The following CPSF2 variants were observed in gnomAD, a reference collection of about 807,000 sequenced individuals.
CPSF2 encodes the protein cleavage and polyadenylation specific factor 2.
A neutral mutation model predicts 84.2 loss-of-function variants in CPSF2; 51 were observed. The ratio of observed to expected loss-of-function variants is 0.61; its 90% CI spans 0.48 to 0.77. The LOEUF is 0.77. Among genes scored for constraint, CPSF2 ranks in the 30% least tolerant of loss-of-function variants. The pLI, the probability that CPSF2 is intolerant of heterozygous loss-of-function variation, is 0.00. For missense variants in CPSF2, 641 were observed against 929.4 expected, an observed-to-expected ratio of 0.69 and a Z score of 4.03; for synonymous variants, 286 against 311.9, an observed-to-expected ratio of 0.92 and a Z score of 0.87.
At chr14:92,152,067 G>A (rs547526296) in intron 9 of CPSF2, among the ~76,000 whole-genome samples, 32 of 150,120 alleles carry the variant, frequency 2.1e-4, no homozygotes, top group Non-Finnish European at 4.4e-4. Flanking sequence ...TTTGGAAAAT[G>A]TAATTATTTT....
intron 6 of CPSF2, among the ~76,000 whole-genome samples, chr14:92,135,904 CAT>C (rs1463021591): frequency 1.3e-5 from 2 of 152,202 alleles, no homozygotes; most frequent in African/African-American, 4.8e-5. Flanking sequence ...ATAATTCCCA[CAT>C]GTTGTGGGTG....
intron 3 of CPSF2, among the ~76,000 whole-genome samples, chr14:92,133,054 C>T (rs1425095341): frequency 1.3e-5 from 2 of 151,786 alleles, no homozygotes; most frequent in Non-Finnish European, 2.9e-5. Context: ...TGCGCCAGTG[C>T]ACTCCAGCCT....
chr14:92,122,006 G>C lies in CPSF2; in HGVS notation c.-216G>C. 1 of 646,390 alleles carries C rather than the reference G, an allele frequency of 1.5e-6. No homozygotes were observed. The allele number at this position is 646,390 out of a possible 1,614,324, so 40.0% of individuals were successfully genotyped here. Reference sequence around the variant, plus strand: ...CTCCAAAATGGCGGCTGCCACTGTGGGGCTTCTGCCGGCCGGTAGTCCCTG... The same window carrying C: ...CTCCAAAATGGCGGCTGCCACTGTGCGGCTTCTGCCGGCCGGTAGTCCCTG... On this transcript the variant is annotated 5_prime_UTR_variant, in exon 1 of 16. Coordinates refer to ENST00000298875, the MANE Select transcript of CPSF2 (RefSeq NM_017437.3).
At chr14:92,141,620 G>A (rs1039900278) in intron 7 of CPSF2, among the ~76,000 whole-genome samples, 8 of 152,074 alleles carry the variant, frequency 5.3e-5, no homozygotes, top group East Asian at 1.9e-4. Flanking sequence ...GAGCCATTGC[G>A]CCTGGCCACC....
intron 9 of CPSF2, among the ~76,000 whole-genome samples, chr14:92,152,153 T>C (rs967505114): frequency 3.9e-5 from 6 of 151,978 alleles, no homozygotes; most frequent in African/African-American, 9.7e-5. Flanking sequence ...TTTTGAGATG[T>C]AGTTTCGCTC....
rs369436759 is a variant in CPSF2, at chr14:92,165,217, G to C, written c.*3473G>C. 1.5e-4 allele frequency: 23 copies of C among 151,616 alleles called. No homozygotes were observed. The highest frequency in any genetic ancestry group is 1.0e-3 in the South Asian group (5 of 4,790). The allele number at this position is 151,616 out of a possible 1,614,324, so 9.4% of individuals were successfully genotyped here. On this transcript the variant is annotated 3_prime_UTR_variant, in exon 16 of 16. Coordinates refer to ENST00000298875, the MANE Select transcript of CPSF2 (RefSeq NM_017437.3). The stretch of plus-strand genomic sequence containing the variant: ...ATTCCAAATTTTGGCTATTAAGAAT[G>C]CTGCTCTGAACATTCATGTGCAAGT...
In CPSF2 at chr14:92,159,207, G is replaced by A. The variant is rs370139333; in HGVS notation, c.2046G>A (p.Leu682=). 5 of 1,613,686 alleles carry A rather than the reference G, an allele frequency of 3.1e-6. No individual in the cohort carries two copies. Among genetic ancestry groups the A allele is most frequent in the Non-Finnish European group, 4.2e-6 (5 of 1,179,910 alleles). ...VIAQQKAMKS[L]FGDDEKETGE... ...CACAACAAAAGGCCATGAAAAGTCT[G>A]TTCGGAGATGATGAAAAAGAAACAG... The change falls in exon 14 of 16, where the codon CTG becomes CTA. Residue 682 remains leucine, a synonymous_variant. Transcript: ENST00000298875.
chr14:92,146,559 C>T (rs969127526), intron 9 of CPSF2, among the ~76,000 whole-genome samples: 5 of 152,084 alleles, frequency 3.3e-5, no homozygotes, highest in African/African-American at 1.2e-4. Flanking sequence ...ACTCTCTTAA[C>T]CATTTTTATG....
chr14:92,130,363 A>G (rs1433192885), intron 2 of CPSF2, among the ~76,000 whole-genome samples: 2 of 152,206 alleles, frequency 1.3e-5, no homozygotes, highest in East Asian at 3.9e-4. Context: ...CACTGGTCTA[A>G]TTAATGGGAG....
At chr14:92,150,024 A>G (rs2069192598) in intron 9 of CPSF2, among the ~76,000 whole-genome samples, 1 of 152,184 alleles carries the variant, frequency 6.6e-6, no homozygotes. Context: ...TGCGTTGTGT[A>G]CTAAAGTACA....
At chr14:92,150,398 A>G (rs1393700488) in intron 9 of CPSF2, among the ~76,000 whole-genome samples, 1 of 150,512 alleles carries the variant, frequency 6.6e-6, no homozygotes, top group African/African-American at 2.4e-5. Context: ...TTGGGATTAC[A>G]GGCGCGAGTC....
intron 2 of CPSF2, among the ~76,000 whole-genome samples, chr14:92,128,108 G>T (rs2068865904): frequency 1.3e-5 from 2 of 152,200 alleles, no homozygotes; most frequent in Non-Finnish European, 2.9e-5. Flanking sequence ...GGTGGCAGGT[G>T]CCTGTAATCC....
At chr14:92,139,886 G>A (rs1052633038) in intron 7 of CPSF2, among the ~76,000 whole-genome samples, 1 of 149,784 alleles carries the variant, frequency 6.7e-6, no homozygotes, top group Non-Finnish European at 1.5e-5. Context: ...AGGGAAAATT[G>A]GATTCCATTT....
intron 1 of CPSF2, among the ~76,000 whole-genome samples, chr14:92,122,959 A>G (rs921754301): frequency 1.3e-5 from 2 of 150,112 alleles, no homozygotes; most frequent in Non-Finnish European, 3.0e-5. Flanking sequence ...CTGGGATTCC[A>G]GGCGTGAGCC....
chr14:92,122,177 C>T (rs1596118895), intron 1 of CPSF2, 49 bp downstream of exon 1: 2 of 330,210 alleles, frequency 6.1e-6, no homozygotes, highest in East Asian at 8.2e-5. Context: ...GGGAAGGCGG[C>T]GTCATTGGCC....
In CPSF2 at chr14:92,169,028, A is replaced by G. The variant is rs1043354234; in HGVS notation, c.*7284A>G. The G allele has an allele frequency of 3.9e-5, 6 of 152,218 alleles. No homozygotes were observed. The highest frequency in any genetic ancestry group is 1.2e-4 in the African/African-American group (5 of 41,462). The allele number at this position is 152,218 out of a possible 1,614,324, so 9.4% of individuals were successfully genotyped here. ...CCTTCCTACCTCATTTTCTGAGGTT[A>G]TGTTGACTTTAATATCCAATGTATC... On this transcript the variant is annotated 3_prime_UTR_variant, in exon 16 of 16. Coordinates refer to ENST00000298875, the MANE Select transcript of CPSF2 (RefSeq NM_017437.3).
intron 5 of CPSF2, among the ~76,000 whole-genome samples, chr14:92,134,564 C>T (rs908625231): frequency 6.6e-6 from 1 of 152,130 alleles, no homozygotes; most frequent in Non-Finnish European, 1.5e-5. Flanking sequence ...ATAGCTCAGG[C>T]CTTTTCATAT....
At chr14:92,146,207 TAAA>T (rs1289991740) in intron 9 of CPSF2, among the ~76,000 whole-genome samples, 1 of 151,950 alleles carries the variant, frequency 6.6e-6, no homozygotes, top group Admixed American at 6.6e-5. Context: ...CCAACTAAGG[TAAA>T]AAATAGAAAT....
chr14:92,140,584 A>C (rs186601949), intron 7 of CPSF2, among the ~76,000 whole-genome samples: 302 of 151,036 alleles, frequency 2.0e-3, no homozygotes, highest in Non-Finnish European at 3.6e-3. Flanking sequence ...AGGCGTGTGC[A>C]ACCATGCCCG....
Sources: allele counts gnomAD v4.1 joint callset (sites outside exome capture counted in the v4.1 genomes callset), GRCh38; gene constraint gnomAD v4.1.1; transcripts MANE v1.5; gene names NCBI Gene and HGNC (gene_info 2026-07-23, HGNC 2026-07-21).